Variants in ANK2 observed in about 807,000 individuals in gnomAD.
ANK2 encodes ankyrin-2.
A neutral mutation model predicts 360.5 loss-of-function variants in ANK2; 83 were observed. The ratio of observed to expected loss-of-function variants is 0.23; its 90% confidence interval spans 0.19 to 0.28. The LOEUF is 0.28. ANK2 is among the 10% of genes least tolerant of loss of function. The pLI is 1.00. For missense variants in ANK2, 4,201 were observed against 4,795.7 expected (o/e 0.88, Z 3.66); for synonymous variants, 1,740 against 1,759.5 (o/e 0.99, Z 0.28).
intron 1 of ANK2, among the ~76,000 whole-genome samples, chr4:113,119,454 T>TCATCATACCTTAAGGTGTA (rs1002095866): frequency 2.6e-5 from 4 of 151,868 alleles, no homozygotes; most frequent in Non-Finnish European, 2.9e-5. Context: ...ATTTACCTCA[T>TCATCATACCTTAAGGTGTA]CATCATACCT....
intron 1 of ANK2, among the ~76,000 whole-genome samples, chr4:112,844,939 C>T (rs961517241): frequency 5.9e-5 from 9 of 152,018 alleles, no homozygotes; most frequent in African/African-American, 1.7e-4. Flanking sequence ...TAAGGAATAA[C>T]GTAAAAACAT....
intron 2 of ANK2, among the ~76,000 whole-genome samples, chr4:113,186,775 A>T (rs2098537760): frequency 6.6e-6 from 1 of 152,204 alleles, no homozygotes; most frequent in Non-Finnish European, 1.5e-5. Flanking sequence ...TCTTCTTAGA[A>T]AAAAAGGAAT....
At chr4:113,236,177 T>C (rs1392687111) in intron 5 of ANK2, among the ~76,000 whole-genome samples, 5 of 152,090 alleles carry the variant, frequency 3.3e-5, no homozygotes, top group Non-Finnish European at 4.4e-5. Context: ...GCCTAAAATA[T>C]ATTATTTTTT....
rs985731548 is a variant in ANK2 at position 113,253,390 on chromosome 4, G to C, written c.991-2345G>C. Among the ~76,000 whole-genome samples the C allele has an allele frequency of 2.6e-5, 4 of 152,068 alleles. No homozygotes were observed. In the East Asian group the frequency reaches 7.7e-4, roughly 29 times the overall value. ...GCAGTTCTATCTTTAAGTAGTACCT[G>C]TATGCTGGTGCCACGAGTGTACATC... is the stretch of plus-strand genomic sequence containing the variant. On this transcript the variant is annotated intron_variant, in intron 10 of 45. Transcript: ENST00000357077.
the ANK2 span, among the ~76,000 whole-genome samples, chr4:112,802,786 A>G: frequency 4.6e-5 from 7 of 152,146 alleles, no homozygotes; most frequent in African/African-American, 1.7e-4. Flanking sequence ...AAAAACAAAA[A>G]CGATACGCCT....
At chr4:112,750,835 C>T in the ANK2 span, among the ~76,000 whole-genome samples, 1 of 151,988 alleles carries the variant, frequency 6.6e-6, no homozygotes. Flanking sequence ...TCAAGCAGTT[C>T]TCCTGCCTCA....
Position 113,097,857 on chromosome 4 carries a change from T to C in ANK2, c.84+48045T>C, listed in dbSNP as rs1166173646. On this transcript the variant is annotated intron_variant, in intron 1 of 45. Transcript: ENST00000357077. ...GTATATATATGTGTGTGTGTGTGTG[T>C]GTGTGTGTGTATATATATGCACACA... Among the ~76,000 whole-genome samples the C allele has an allele frequency of 1.1e-4, 13 of 113,510 alleles. No individual in the cohort carries two copies. In the South Asian group the frequency reaches 1.5e-3, roughly 13 times the overall value. The allele number at this position is 113,510 out of a possible 152,430, so 74.5% of individuals were successfully genotyped here.
chr4:112,958,309 G>A (rs1017159873), intron 2 of ANK2, among the ~76,000 whole-genome samples: 1 of 152,236 alleles, frequency 6.6e-6, no homozygotes, highest in Non-Finnish European at 1.5e-5. Context: ...GCACCATTGA[G>A]CACTGAGTGA....
At chr4:113,099,405 A>G (rs2092393926) in intron 1 of ANK2, among the ~76,000 whole-genome samples, 2 of 152,006 alleles carry the variant, frequency 1.3e-5, no homozygotes, top group South Asian at 4.1e-4. Context: ...GCACCAAAAA[A>G]TGAAATACTT....
At chr4:112,761,583 G>A in the ANK2 span, among the ~76,000 whole-genome samples, 1 of 152,082 alleles carries the variant, frequency 6.6e-6, no homozygotes, top group Non-Finnish European at 1.5e-5. Context: ...TCACGCCACT[G>A]CACTCCAGCC....
At chr4:112,749,378 A>C in the ANK2 span, among the ~76,000 whole-genome samples, 1 of 152,200 alleles carries the variant, frequency 6.6e-6, no homozygotes, top group Non-Finnish European at 1.5e-5. Context: ...GTGGGAAAAA[A>C]TGTTTTGAAT....
chr4:113,172,284 CTG>C (rs1202112651), intron 1 of ANK2, among the ~76,000 whole-genome samples: 2 of 152,146 alleles, frequency 1.3e-5, no homozygotes, highest in Non-Finnish European at 2.9e-5. Flanking sequence ...AAAGGCATAA[CTG>C]GGGTTAATGC....
the ANK2 span, among the ~76,000 whole-genome samples, chr4:112,805,824 C>T: frequency 6.6e-6 from 1 of 152,160 alleles, no homozygotes; most frequent in Non-Finnish European, 1.5e-5. Flanking sequence ...ATCCACCTGC[C>T]TTGGCCTCCC....
intron 14 of ANK2, among the ~76,000 whole-genome samples, chr4:113,271,479 G>GACACACACACACACACACAC (rs3059950): frequency 1.3e-5 from 2 of 150,426 alleles, no homozygotes; most frequent in African/African-American, 4.9e-5. Flanking sequence ...TGCACGCACA[G>GACACACACACACACACACAC]ACACACACAC....
chr4:112,988,846 G>A (rs1371837074), intron 2 of ANK2, among the ~76,000 whole-genome samples: 1 of 146,022 alleles, frequency 6.8e-6, no homozygotes, highest in Non-Finnish European at 1.5e-5. Context: ...TCTACTCATG[G>A]CTTTTAACCA....
At chr4:112,775,026 G>A in the ANK2 span, among the ~76,000 whole-genome samples, 3 of 152,112 alleles carry the variant, frequency 2.0e-5, no homozygotes, top group Non-Finnish European at 4.4e-5. Flanking sequence ...CCCTCTTCTC[G>A]TGGGTTTTGT....
At chr4:112,742,248 CAG>C in the ANK2 span, among the ~76,000 whole-genome samples, 1 of 152,172 alleles carries the variant, frequency 6.6e-6, no homozygotes, top group Admixed American at 6.5e-5. Flanking sequence ...GCCTGGGCGA[CAG>C]AGCGAGACTC....
At chr4:113,047,679 T>TA (rs10552109), upstream of ANK2, among the ~76,000 whole-genome samples, 8 of 151,490 alleles carry the variant, frequency 5.3e-5, no homozygotes, top group South Asian at 2.1e-4. Context: ...GGTTTTGTTT[T>TA]AAAAAAAAAG....
chr4:112,913,764 T>G (rs2088627943), intron 2 of ANK2, among the ~76,000 whole-genome samples: 2 of 152,296 alleles, frequency 1.3e-5, no homozygotes, highest in South Asian at 4.1e-4. Context: ...TTGGAAATCA[T>G]AGAGAAGTTA....
Sources: allele counts gnomAD v4.1 joint callset (sites outside exome capture counted in the v4.1 genomes callset), GRCh38; gene constraint gnomAD v4.1.1; transcripts MANE v1.5; gene names NCBI Gene and HGNC (gene_info 2026-07-23, HGNC 2026-07-21).